Variants in THSD7A observed in about 807,000 individuals in gnomAD.
THSD7A encodes thrombospondin type-1 domain-containing protein 7A.
In THSD7A, 96 loss-of-function variants were observed where a neutral mutation model predicts 231.3. The observed-to-expected ratio is 0.41, with a 90% CI of 0.35 to 0.49. The LOEUF (loss-of-function observed/expected upper bound fraction) is 0.49. Among genes scored for constraint, THSD7A ranks in the 20% least tolerant of loss-of-function variants. THSD7A has a pLI of 0.05. For synonymous variants in THSD7A, 940 were observed against 743.3 expected (o/e 1.26, Z -4.30); for missense variants, 2,290 against 2,070.2 (o/e 1.11, Z -2.06).
intron 4 of THSD7A, among the ~76,000 whole-genome samples, chr7:11,553,627 T>C (rs917402538): frequency 2.6e-5 from 4 of 152,004 alleles, no homozygotes; most frequent in Non-Finnish European, 4.4e-5. Flanking sequence ...TTTCTCAGAA[T>C]AATGGAGAAA....
At chr7:11,399,847 A>C (rs1231289077) in intron 23 of THSD7A, among the ~76,000 whole-genome samples, 1 of 152,174 alleles carries the variant, frequency 6.6e-6, no homozygotes, top group African/African-American at 2.4e-5. Context: ...TGCTGCTATA[A>C]AGACACATGC....
rs764772947 is a variant in THSD7A, at chr7:11,593,376, T to A, written c.1149A>T (p.Ala383=). ...TGGTTCGTGTCCTTACACGAGTGCC[T>A]GCAGGGGACACCATGTCATGGCATG... is the stretch of plus-strand genomic sequence containing the variant. ...SKTCHDMVSP[A]GTRVRTRTIR... Residue 383 remains alanine (A), a synonymous_variant, in exon 3 of 28, where the codon GCA becomes GCT. Transcript: ENST00000423059. 6.2e-7 allele frequency: 1 copy of A among 1,614,056 alleles called. No homozygotes were observed. The highest frequency in any genetic ancestry group is 2.2e-5 in the East Asian group (1 of 44,886).
chr7:11,668,178 T>C (rs1584178910), intron 1 of THSD7A, among the ~76,000 whole-genome samples: 1 of 152,190 alleles, frequency 6.6e-6, no homozygotes. Flanking sequence ...CTAACAGCTG[T>C]AATTGGGAGG....
intron 6 of THSD7A, among the ~76,000 whole-genome samples, chr7:11,540,357 A>G (rs757671511): frequency 6.6e-6 from 1 of 152,216 alleles, no homozygotes; most frequent in Non-Finnish European, 1.5e-5. Context: ...CCCACACCAG[A>G]GAGTGTCTTT....
At chr7:11,466,546 T>C (rs1412031232) in intron 9 of THSD7A, among the ~76,000 whole-genome samples, 8 of 152,156 alleles carry the variant, frequency 5.3e-5, no homozygotes, top group Non-Finnish European at 8.8e-5. Flanking sequence ...CTCCAGTCTT[T>C]AAAAAATTTT....
intron 1 of THSD7A, among the ~76,000 whole-genome samples, chr7:11,740,884 G>C (rs762904324): frequency 3.9e-5 from 6 of 151,928 alleles, no homozygotes; most frequent in Non-Finnish European, 7.4e-5. Flanking sequence ...AACATAGTAA[G>C]CACTACATAA....
chr7:11,661,157 C>T (rs1782916194), intron 1 of THSD7A, among the ~76,000 whole-genome samples: 1 of 151,332 alleles, frequency 6.6e-6, no homozygotes, highest in Non-Finnish European at 1.5e-5. Flanking sequence ...AAGGCTATAC[C>T]TGTGGATAAA....
intron 13 of THSD7A, among the ~76,000 whole-genome samples, chr7:11,435,305 C>T (rs563651824): frequency 6.6e-6 from 1 of 152,162 alleles, no homozygotes; most frequent in African/African-American, 2.4e-5. Context: ...CCTGAAATTT[C>T]ACTAGTGATA....
chr7:11,442,559 T>A (rs1036864774), intron 13 of THSD7A, among the ~76,000 whole-genome samples: 3 of 152,022 alleles, frequency 2.0e-5, no homozygotes, highest in African/African-American at 7.2e-5. Context: ...GAAAGCTGAT[T>A]TGGCTGAAAG....
chr7:11,519,590 G>T (rs1583894979), intron 6 of THSD7A, among the ~76,000 whole-genome samples: 1 of 151,648 alleles, frequency 6.6e-6, no homozygotes. Context: ...TAGCCATTTT[G>T]GTGTGTAGAG....
chr7:11,463,857 T>C (rs1785596831), intron 9 of THSD7A, among the ~76,000 whole-genome samples: 2 of 152,208 alleles, frequency 1.3e-5, no homozygotes, highest in Admixed American at 6.6e-5. Context: ...TCTATTATAT[T>C]GTCAAAATGA....
At chr7:11,533,011 T>C (rs1196318955) in intron 6 of THSD7A, among the ~76,000 whole-genome samples, 2 of 152,172 alleles carry the variant, frequency 1.3e-5, no homozygotes, top group African/African-American at 2.4e-5. Context: ...TTAAGAATCT[T>C]AGAAGCATCT....
intron 11 of THSD7A, among the ~76,000 whole-genome samples, chr7:11,452,882 A>G (rs1018234068): frequency 3.3e-5 from 5 of 152,074 alleles, no homozygotes; most frequent in African/African-American, 4.8e-5. Flanking sequence ...AATGGTATAT[A>G]TAACTGCAGA....
At chr7:11,505,540 C>T (rs945696566) in intron 6 of THSD7A, among the ~76,000 whole-genome samples, 36 of 151,506 alleles carry the variant, frequency 2.4e-4, no homozygotes, top group African/African-American at 8.5e-4. Flanking sequence ...GAAACCCTGC[C>T]AAAGATAGAA....
At chr7:11,451,890 C>G (rs561556462) in intron 11 of THSD7A, among the ~76,000 whole-genome samples, 1 of 152,088 alleles carries the variant, frequency 6.6e-6, no homozygotes, top group African/African-American at 2.4e-5. Context: ...TTCTATTGCT[C>G]AGTGAATTAC....
At chr7:11,470,326 T>A (rs1264056375) in intron 8 of THSD7A, among the ~76,000 whole-genome samples, 5 of 152,014 alleles carry the variant, frequency 3.3e-5, no homozygotes, top group African/African-American at 1.2e-4. Context: ...TAAGAAAAAT[T>A]TTGTGAAAAT....
intron 1 of THSD7A, among the ~76,000 whole-genome samples, chr7:11,663,248 C>A (rs575059468): frequency 6.6e-6 from 1 of 151,158 alleles, no homozygotes; most frequent in African/African-American, 2.4e-5. Context: ...AAATCTTATG[C>A]CACATAAGTT....
chr7:11,610,976 C>T (rs1301591918), intron 2 of THSD7A, among the ~76,000 whole-genome samples: 2 of 152,108 alleles, frequency 1.3e-5, no homozygotes, highest in African/African-American at 4.8e-5. Context: ...GGGATATTAA[C>T]ACAAAGAACA....
At chr7:11,753,289 A>G (rs1782564244) in intron 1 of THSD7A, among the ~76,000 whole-genome samples, 1 of 152,098 alleles carries the variant, frequency 6.6e-6, no homozygotes, top group South Asian at 2.1e-4. Flanking sequence ...ACTTGTAGAT[A>G]TATGTTTTGC....
Sources: gnomAD v4.1 joint callset for allele counts (sites outside exome capture counted in the v4.1 genomes callset) on GRCh38, gnomAD v4.1.1 for gene constraint, MANE v1.5 for transcripts, NCBI Gene and HGNC (gene_info 2026-07-23, HGNC 2026-07-21) for gene names.